SLC10A1: variants seen among roughly 807,000 people sequenced by gnomAD.
SLC10A1 encodes hepatic sodium/bile acid cotransporter.
In SLC10A1, 36 loss-of-function variants were observed where a neutral mutation model predicts 20.5. That is an observed-to-expected ratio of 1.75 (90% CI 1.34 to 2.32). The LOEUF (loss-of-function observed/expected upper bound fraction) is 2.32, where lower values mean the gene tolerates loss of function less well. SLC10A1 is among the 30% of genes most tolerant of loss of function. SLC10A1 has a pLI of 0.00. For synonymous variants in SLC10A1, 188 were observed against 163.6 expected, an observed-to-expected ratio of 1.15 and a Z score of -1.14; for missense variants, 545 against 439.1, an observed-to-expected ratio of 1.24 and a Z score of -2.16.
chr14:69,787,206 C>G (rs1883739935), intron 1 of SLC10A1, among the ~76,000 whole-genome samples: 1 of 151,830 alleles, frequency 6.6e-6, no homozygotes, highest in South Asian at 2.1e-4. Flanking sequence ...ACACTCAGAG[C>G]CTGAATAATA....
rs749518865 is a variant in SLC10A1 at position 69,775,616 on chromosome 14, G to A, written c.*666C>T. The A allele has an allele frequency of 6.6e-6, 1 of 152,182 alleles. No homozygotes were observed. Among genetic ancestry groups the A allele is most frequent in the Non-Finnish European group, 1.5e-5 (1 of 68,040 alleles). The allele number at this position is 152,182 out of a possible 1,614,324, so 9.4% of individuals were successfully genotyped here. On this transcript the variant is annotated 3_prime_UTR_variant, in exon 5 of 5. Coordinates refer to ENST00000216540, the MANE Select transcript of SLC10A1 (RefSeq NM_003049.4). ...ATTAGTGAGGTAACATTGTGTTAAT[G>A]TATGTGTTTGTTTCCTGGTTTTTCC... is the stretch of plus-strand genomic sequence containing the variant.
At chr14:69,781,977 C>G (rs1883602683) in intron 2 of SLC10A1, among the ~76,000 whole-genome samples, 1 of 152,138 alleles carries the variant, frequency 6.6e-6, no homozygotes, top group African/African-American at 2.4e-5. Flanking sequence ...GCGTAAGAGG[C>G]TAGGACAATC....
intron 2 of SLC10A1, among the ~76,000 whole-genome samples, chr14:69,782,440 C>T (rs566804688): frequency 1.1e-4 from 17 of 152,234 alleles, no homozygotes; most frequent in African/African-American, 3.4e-4. Flanking sequence ...TTCCGGGCCT[C>T]GGTTACTCTA....
rs1883510540 is a variant in SLC10A1, at chr14:69,778,626, A to G, written c.747-97T>C. ...ACCAAAGAGTTTCGCAGCAGATGGA[A>G]TCTAGACCCTGGACAGGGGTACTTT... is the stretch of plus-strand genomic sequence containing the variant. On this transcript the variant is annotated intron_variant, in intron 3 of 4. Coordinates refer to ENST00000216540, the MANE Select transcript of SLC10A1 (RefSeq NM_003049.4). The G allele has an allele frequency of 1.3e-5, 14 of 1,054,724 alleles. No homozygotes were observed. In the South Asian group the frequency reaches 2.4e-4, roughly 18 times the overall value. 65.3% of individuals were successfully genotyped at this position (1,054,724 alleles called of 1,614,324 possible). A position where few individuals can be genotyped will look rare whatever the true frequency, so the allele number is the denominator to read the frequency against.
At chr14:69,791,903 C>T (rs1883851016) in intron 1 of SLC10A1, among the ~76,000 whole-genome samples, 1 of 151,914 alleles carries the variant, frequency 6.6e-6, no homozygotes, top group Non-Finnish European at 1.5e-5. Context: ...ACATTTAAAA[C>T]TTTTCAAAGA....
intron 1 of SLC10A1, among the ~76,000 whole-genome samples, chr14:69,786,573 A>G (rs1883719827): frequency 6.6e-6 from 1 of 152,138 alleles, no homozygotes; most frequent in Non-Finnish European, 1.5e-5. Context: ...AACTGCTTCA[A>G]TCCCTGTGTG....
rs1883705556 is a variant in SLC10A1 at position 69,786,120 on chromosome 14, G to A, written c.544C>T (p.Gln182Ter). The change falls in exon 2 of 5, where the codon CAA becomes TAA. Residue 182 changes from glutamine (Q) to a stop codon, truncating the protein, a stop_gained. Transcript: ENST00000216540. LOFTEE classifies it high-confidence loss of function. ...IGIVLKSKRP[Q>*]YMRYVIKGGM... ...ACCTTGATGACATAGCGCATGTATT[G>A]TGGCCGTTTGGATTTGAGGACGATC... 6.2e-7 allele frequency: 1 copy of A among 1,614,104 alleles called. No homozygotes were observed. The highest frequency in any genetic ancestry group is 8.5e-7 in the Non-Finnish European group (1 of 1,180,016).
chr14:69,777,606 A>AAATT (rs1883479475), intron 4 of SLC10A1, among the ~76,000 whole-genome samples: 2 of 75,974 alleles, frequency 2.6e-5, no homozygotes, highest in Non-Finnish European at 4.4e-5. Context: ...TTTTTTTTTT[A>AAATT]AAATTGGTGT....
At chr14:69,789,993 G>A (rs567009254) in intron 1 of SLC10A1, among the ~76,000 whole-genome samples, 1 of 150,652 alleles carries the variant, frequency 6.6e-6, no homozygotes, top group East Asian at 1.9e-4. Flanking sequence ...AAGAGAGATG[G>A]CACAAATTGA....
At chr14:69,787,505 A>G (rs1883748852) in intron 1 of SLC10A1, among the ~76,000 whole-genome samples, 1 of 152,214 alleles carries the variant, frequency 6.6e-6, no homozygotes, top group Non-Finnish European at 1.5e-5. Context: ...CCCTCCATCT[A>G]CACTTCTTTC....
chr14:69,789,750 T>C (rs900960993), intron 1 of SLC10A1, among the ~76,000 whole-genome samples: 3 of 152,042 alleles, frequency 2.0e-5, no homozygotes, highest in African/African-American at 7.2e-5. Flanking sequence ...AAAGCAATTA[T>C]TAAAGGGCAA....
At chr14:69,792,855 G>T (rs1332256171) in intron 1 of SLC10A1, among the ~76,000 whole-genome samples, 2 of 147,336 alleles carry the variant, frequency 1.4e-5, no homozygotes, top group Admixed American at 1.4e-4. Flanking sequence ...AAAAAAGCAA[G>T]CTGTTAGGTG....
intron 2 of SLC10A1, among the ~76,000 whole-genome samples, chr14:69,782,448 CTA>C (rs1883614701): frequency 6.6e-6 from 1 of 152,168 alleles, no homozygotes; most frequent in South Asian, 2.1e-4. Context: ...CTCGGTTACT[CTA>C]TCTGCAAATT....
intron 1 of SLC10A1, among the ~76,000 whole-genome samples, chr14:69,793,942 T>G (rs1383881973): frequency 6.6e-6 from 1 of 152,188 alleles, no homozygotes; most frequent in African/African-American, 2.4e-5. Context: ...CTGGCTGCAT[T>G]GAGGGGTCTG....
chr14:69,794,412 C>T (rs1017822580), intron 1 of SLC10A1, among the ~76,000 whole-genome samples: 17 of 152,118 alleles, frequency 1.1e-4, no homozygotes, highest in African/African-American at 4.1e-4. Context: ...GCACAGGTTC[C>T]GGAGCCACCC....
rs1318252715 is a variant in SLC10A1, at chr14:69,787,205, G to T, written c.357-898C>A. ...TTTAAAATAAATTATGACACTCAGA[G>T]CCTGAATAATATGTCCTTCCAGCTC... On this transcript the variant is annotated intron_variant, in intron 1 of 4. Coordinates refer to ENST00000216540, the MANE Select transcript of SLC10A1 (RefSeq NM_003049.4). Among the ~76,000 whole-genome samples, 31 of 152,134 alleles carry T rather than the reference G, an allele frequency of 2.0e-4. 1 individual carries two copies.
intron 1 of SLC10A1, among the ~76,000 whole-genome samples, chr14:69,796,064 A>G (rs1266295704): frequency 6.6e-6 from 1 of 152,208 alleles, no homozygotes; most frequent in Non-Finnish European, 1.5e-5. Flanking sequence ...AAGGATGAGC[A>G]TCAACCAGCC....
chr14:69,788,693 T>C (rs1030071831), intron 1 of SLC10A1, among the ~76,000 whole-genome samples: 1 of 152,060 alleles, frequency 6.6e-6, no homozygotes, highest in East Asian at 1.9e-4. Context: ...TACAGGCGCC[T>C]GCCACCACGC....
At chr14:69,783,036 A>G (rs1030584839) in intron 2 of SLC10A1, among the ~76,000 whole-genome samples, 3 of 152,194 alleles carry the variant, frequency 2.0e-5, no homozygotes, top group Non-Finnish European at 2.9e-5. Flanking sequence ...TATATTTTAT[A>G]TGCATTTCTT....
Sources: gnomAD v4.1 joint callset for allele counts (sites outside exome capture counted in the v4.1 genomes callset) on GRCh38, gnomAD v4.1.1 for gene constraint, MANE v1.5 for transcripts, NCBI Gene and HGNC (gene_info 2026-07-23, HGNC 2026-07-21) for gene names.